The following PCLO variants were observed in gnomAD, a reference collection of about 807,000 sequenced individuals.
PCLO encodes the protein protein piccolo.
In PCLO, 82 loss-of-function variants were observed where a neutral mutation model predicts 427.5. That is an observed-to-expected ratio of 0.19 (90% confidence interval 0.16 to 0.23). The LOEUF is 0.23. Ranked by LOEUF, PCLO falls within the 10% of genes least tolerant of loss-of-function variation. PCLO has a pLI of 1.00. For synonymous variants in PCLO, 2,357 were observed against 2,155.4 expected (o/e 1.09, Z -2.59); for missense variants, 6,239 against 6,115.9 (o/e 1.02, Z -0.67).
At chr7:82,941,855 A>T (rs1473470748) in intron 6 of PCLO, among the ~76,000 whole-genome samples, 1 of 152,202 alleles carries the variant, frequency 6.6e-6, no homozygotes, top group African/African-American at 2.4e-5. Context: ...AATCCTAAAT[A>T]ATTAGTAATG....
At chr7:83,034,004 T>G (rs1237981647) in intron 3 of PCLO, among the ~76,000 whole-genome samples, 1 of 152,174 alleles carries the variant, frequency 6.6e-6, no homozygotes, top group Non-Finnish European at 1.5e-5. Flanking sequence ...TTAGCCTTAT[T>G]CAAGTAATGC....
Position 82,952,712 on chromosome 7 carries a change from A to G in PCLO, c.8241T>C (p.Leu2747=). 1 of 1,613,866 alleles carries G rather than the reference A, an allele frequency of 6.2e-7. No homozygotes were observed. Among genetic ancestry groups the G allele is most frequent in the East Asian group, 2.2e-5 (1 of 44,858 alleles). ...EVKTTDKCID[L]SASTMDVKRQ... Reference sequence around the variant, plus strand: ...TTTTCACATCCATTGTAGAAGCAGAAAGATCAATACATTTATCAGTTGTTT... The same window carrying G: ...TTTTCACATCCATTGTAGAAGCAGAGAGATCAATACATTTATCAGTTGTTT... Residue 2747 remains leucine, a synonymous_variant, in exon 5 of 25, where the codon CTT becomes CTC. Transcript: ENST00000333891.
At chr7:83,015,590 T>C (rs1048177132) in intron 3 of PCLO, among the ~76,000 whole-genome samples, 1 of 152,176 alleles carries the variant, frequency 6.6e-6, no homozygotes, top group Non-Finnish European at 1.5e-5. Flanking sequence ...TGTGTCCCGA[T>C]ATAAACAGAT....
At chr7:83,093,462 A>ATGTGTG (rs199740692) in intron 3 of PCLO, among the ~76,000 whole-genome samples, 1 of 94,812 alleles carries the variant, frequency 1.1e-5, no homozygotes, top group African/African-American at 4.0e-5. Context: ...AAACATATAT[A>ATGTGTG]TGTGTGTGTG....
intron 22 of PCLO, among the ~76,000 whole-genome samples, chr7:82,767,401 A>C (rs978444954): frequency 3.9e-5 from 6 of 152,126 alleles, no homozygotes; most frequent in Non-Finnish European, 7.4e-5. Context: ...TGTAGAAGTC[A>C]TGGTTAAAAA....
chr7:83,158,727 C>T (rs895951513), intron 1 of PCLO, among the ~76,000 whole-genome samples: 4 of 152,100 alleles, frequency 2.6e-5, no homozygotes, highest in African/African-American at 4.8e-5. Flanking sequence ...ATTGCATGTA[C>T]TTCCTACAAA....
At chr7:83,027,690 T>G (rs1407851456) in intron 3 of PCLO, among the ~76,000 whole-genome samples, 8 of 124,704 alleles carry the variant, frequency 6.4e-5, no homozygotes, top group Non-Finnish European at 1.2e-4. Flanking sequence ...TGATGAACAT[T>G]GATGCAAAAA....
intron 20 of PCLO, chr7:82,821,875 T>G: frequency 1.0e-6 from 1 of 983,672 alleles, no homozygotes; most frequent in Non-Finnish European, 1.2e-6. Flanking sequence ...TAAGATTTTC[T>G]TCACAGATTT....
At chr7:83,032,583 A>C (rs995663949) in intron 3 of PCLO, among the ~76,000 whole-genome samples, 6 of 151,408 alleles carry the variant, frequency 4.0e-5, no homozygotes, top group Admixed American at 3.3e-4. Flanking sequence ...CTGAGCTCAG[A>C]TATCTTCTGA....
At chr7:82,980,281 T>C (rs1398431127) in intron 3 of PCLO, among the ~76,000 whole-genome samples, 1 of 152,060 alleles carries the variant, frequency 6.6e-6, no homozygotes, top group Non-Finnish European at 1.5e-5. Flanking sequence ...GTGGAATGCT[T>C]TATTTTCACA....
chr7:82,916,969 G>A lies in PCLO; in HGVS notation c.11113-96C>T. On this transcript the variant is annotated intron_variant, in intron 6 of 24. Transcript: ENST00000333891. ...TTATATTTAATAAAAATGATTTCAT[G>A]TATGATTTTGCTATCGCAGCATGAT... 8.4e-6 allele frequency: 7 copies of A among 834,330 alleles called. No individual in the cohort carries two copies. In the South Asian group the frequency reaches 9.6e-5, roughly 11 times the overall value. 51.7% of individuals were successfully genotyped at this position (834,330 alleles called of 1,614,324 possible). A position where few individuals can be genotyped will look rare whatever the true frequency, so the allele number is the denominator to read the frequency against.
chr7:82,805,216 G>A (rs768968431), intron 21 of PCLO, among the ~76,000 whole-genome samples: 1 of 151,930 alleles, frequency 6.6e-6, no homozygotes, highest in Admixed American at 6.6e-5. Flanking sequence ...AATGTTAATT[G>A]TAGAAGGATT....
At chr7:83,024,918 A>T (rs904987000) in intron 3 of PCLO, among the ~76,000 whole-genome samples, 2 of 151,534 alleles carry the variant, frequency 1.3e-5, no homozygotes, top group East Asian at 3.9e-4. Flanking sequence ...GAAAACTAAC[A>T]AACAGAAAGG....
chr7:82,799,306 C>G (rs968781393), intron 22 of PCLO, among the ~76,000 whole-genome samples: 5 of 152,152 alleles, frequency 3.3e-5, no homozygotes, highest in African/African-American at 1.2e-4. Flanking sequence ...AGGCTGTCTG[C>G]TAAGTGCTGG....
chr7:82,894,029 A>G (rs1054082754), intron 9 of PCLO, among the ~76,000 whole-genome samples: 14 of 152,018 alleles, frequency 9.2e-5, no homozygotes, highest in Admixed American at 7.2e-4. Flanking sequence ...AAGTATAAAA[A>G]TCTTATACAA....
intron 3 of PCLO, among the ~76,000 whole-genome samples, chr7:83,047,226 T>A (rs983738978): frequency 1.3e-5 from 2 of 151,982 alleles, no homozygotes; most frequent in Admixed American, 6.6e-5. Flanking sequence ...CTTTATTTGA[T>A]CATATTTTTA....
chr7:83,049,360 T>A (rs1258619762), intron 3 of PCLO, among the ~76,000 whole-genome samples: 1 of 152,116 alleles, frequency 6.6e-6, no homozygotes, highest in Non-Finnish European at 1.5e-5. Context: ...TACAGTTGAG[T>A]GCACAATGGC....
At chr7:83,020,540 TTG>T in intron 3 of PCLO, among the ~76,000 whole-genome samples, 1 of 152,240 alleles carries the variant, frequency 6.6e-6, no homozygotes, top group Non-Finnish European at 1.5e-5. Context: ...GCATAGCGTT[TTG>T]TCTCTTTTGG....
intron 6 of PCLO, among the ~76,000 whole-genome samples, chr7:82,948,837 T>G (rs918711368): frequency 2.0e-5 from 3 of 152,182 alleles, no homozygotes; most frequent in Non-Finnish European, 4.4e-5. Context: ...TACCTGAGTT[T>G]AGATTAATAA....
Sources: allele counts gnomAD v4.1 joint callset (sites outside exome capture counted in the v4.1 genomes callset), GRCh38; gene constraint gnomAD v4.1.1; transcripts MANE v1.5; gene names NCBI Gene and HGNC (gene_info 2026-07-23, HGNC 2026-07-21).